CPLX1: variants seen among roughly 807,000 people sequenced by gnomAD.
The protein encoded by CPLX1 is complexin 1.
Under a neutral mutation model 15.6 loss-of-function variants are expected in CPLX1, and 6 were observed. The ratio of observed to expected loss-of-function variants is 0.39; its 90% CI spans 0.21 to 0.76. CPLX1 has a LOEUF of 0.76. Among genes scored for constraint, CPLX1 ranks in the 30% least tolerant of loss-of-function variants. The pLI is 0.43. For synonymous variants in CPLX1, 91 were observed against 75.2 expected, an observed-to-expected ratio of 1.21 and a Z score of -1.08; for missense variants, 242 against 188.6, an observed-to-expected ratio of 1.28 and a Z score of -1.66.
chr4:823,765 CTT>C (rs1485688839), intron 2 of CPLX1, among the ~76,000 whole-genome samples: 1 of 152,258 alleles, frequency 6.6e-6, no homozygotes, highest in Non-Finnish European at 1.5e-5. Context: ...AGCCACTGCT[CTT>C]GACATGGTCT....
chr4:808,987 C>T (rs1340566998), intron 2 of CPLX1, among the ~76,000 whole-genome samples: 2 of 152,234 alleles, frequency 1.3e-5, no homozygotes, highest in Admixed American at 6.5e-5. Flanking sequence ...GGAGAGATAG[C>T]GATAGAGATA....
At chr4:816,046 T>C (rs1576997101) in intron 2 of CPLX1, among the ~76,000 whole-genome samples, 1 of 152,066 alleles carries the variant, frequency 6.6e-6, no homozygotes, top group Non-Finnish European at 1.5e-5. Flanking sequence ...TGTTACAATG[T>C]TTATGTTGAG....
At position 786,582 on chromosome 4, in the gene CPLX1, C is replaced by T. The variant is rs371785028; in HGVS notation, c.324G>A (p.Glu108=). The T allele has an allele frequency of 3.1e-6, 5 of 1,610,824 alleles. No individual in the cohort carries two copies. The African/African-American group carries it at 4.0e-5, about 13-fold the overall frequency. Residue 108 remains glutamate (E), a synonymous_variant, in exon 4 of 4, where the codon GAG becomes GAA. Transcript: ENST00000304062. ...KKAIPPGCGD[E]VEEEDESILD... ...GGATGCTCTCGTCCTCCTCCTCCAC[C>T]TCGTCCCCGCAGCCCGGCGGGATGG...
At position 825,477 on chromosome 4, in the gene CPLX1, C is replaced by T. The variant is rs867580998; in HGVS notation, c.-80+569G>A. Among the ~76,000 whole-genome samples the T allele has an allele frequency of 2.6e-4, 40 of 151,970 alleles. 1 individual carries two copies. The South Asian group carries it at 5.4e-3, about 20-fold the overall frequency. ...CTCCTCCAAACTTCTCCCCTGGCTC[C>T]CGCGGCGCGGGGAAGGAGGGCACGG... On this transcript the variant is annotated intron_variant, in intron 1 of 3. Coordinates refer to ENST00000304062, the MANE Select transcript of CPLX1 (RefSeq NM_006651.4).
intron 3 of CPLX1, among the ~76,000 whole-genome samples, chr4:790,930 C>T (rs1746150525): frequency 9.8e-6 from 1 of 102,152 alleles, no homozygotes; most frequent in African/African-American, 4.0e-5. Flanking sequence ...CTCTTTCCCT[C>T]TTTTTGTCTT....
chr4:789,437 T>C (rs537479933), intron 3 of CPLX1, among the ~76,000 whole-genome samples: 25 of 152,194 alleles, frequency 1.6e-4, no homozygotes, highest in African/African-American at 5.5e-4. Flanking sequence ...GAACCAACAA[T>C]AGGAATGATA....
At chr4:789,635 T>A (rs1488703207) in intron 3 of CPLX1, among the ~76,000 whole-genome samples, 4 of 152,136 alleles carry the variant, frequency 2.6e-5, no homozygotes, top group African/African-American at 7.2e-5. Context: ...GGCGGGTCAG[T>A]GCGCGGAGCA....
intron 2 of CPLX1, among the ~76,000 whole-genome samples, chr4:821,759 C>T (rs898759422): frequency 2.6e-5 from 4 of 152,340 alleles, no homozygotes; most frequent in Admixed American, 6.5e-5. Context: ...GCGATCACCC[C>T]GGCAGCCACC....
intron 2 of CPLX1, among the ~76,000 whole-genome samples, chr4:795,811 G>T (rs968101543): frequency 2.6e-4 from 39 of 152,062 alleles, no homozygotes; most frequent in Admixed American, 1.3e-3. Context: ...GGGGTGGGGG[G>T]GGGGTGCAGA....
intron 3 of CPLX1, among the ~76,000 whole-genome samples, chr4:790,719 T>C (rs886267438): frequency 6.6e-6 from 1 of 152,066 alleles, no homozygotes; most frequent in Non-Finnish European, 1.5e-5. Flanking sequence ...GACCCACACA[T>C]AGCCCTCCCA....
At chr4:804,978 T>G in intron 2 of CPLX1, 3 of 977,370 alleles carry the variant, frequency 3.1e-6, no homozygotes, top group Non-Finnish European at 3.6e-6. Context: ...GGCGGCCGGC[T>G]AGGGCGGGTG....
intron 2 of CPLX1, among the ~76,000 whole-genome samples, chr4:807,452 C>T (rs1746577259): frequency 6.6e-6 from 1 of 152,104 alleles, no homozygotes; most frequent in South Asian, 2.1e-4. Flanking sequence ...ACCTACACAT[C>T]CTGCACATGT....
chr4:787,153 G>A, intron 3 of CPLX1: 1 of 985,394 alleles, frequency 1.0e-6, no homozygotes, highest in Non-Finnish European at 1.2e-6. Flanking sequence ...ACACTCCCGG[G>A]CCTGGCCAAG....
chr4:792,670 T>C (rs1746220033), intron 2 of CPLX1, 62 bp from the exon 3 acceptor site: 1 of 1,523,018 alleles, frequency 6.6e-7, no homozygotes, highest in African/African-American at 1.4e-5. Context: ...GGCTAGTGTC[T>C]CAGCCACACT....
chr4:821,869 C>A (rs945403446), intron 2 of CPLX1, among the ~76,000 whole-genome samples: 4 of 152,212 alleles, frequency 2.6e-5, no homozygotes, highest in Non-Finnish European at 5.9e-5. Flanking sequence ...CAGCAAGACT[C>A]ACACCTGCGG....
chr4:792,734 GC>G (rs1553852772), intron 2 of CPLX1, 126 bp from the exon 3 acceptor site: 2 of 1,011,298 alleles, frequency 2.0e-6, no homozygotes, highest in African/African-American at 1.7e-5. Context: ...CCCTCTGGCT[GC>G]CCCCACCACC....
Position 787,559 on chromosome 4 carries a change from G to A in CPLX1, c.208-861C>T, listed in dbSNP as rs1013510559. ...TAAGAGACAGAAAGGACAGACACCCGGATGGGGGCGGGCATACGAAAGCGG... is the reference window on the plus strand; with the variant it reads ...TAAGAGACAGAAAGGACAGACACCCAGATGGGGGCGGGCATACGAAAGCGG... On this transcript the variant is annotated intron_variant, in intron 3 of 3. Transcript: ENST00000304062. The A allele has an allele frequency of 3.3e-5, 22 of 664,160 alleles. No individual in the cohort carries two copies. In the South Asian group the frequency reaches 4.1e-4, roughly 12 times the overall value. The allele number at this position is 664,160 out of a possible 1,614,324, so 41.1% of individuals were successfully genotyped here. A position where few individuals can be genotyped will look rare whatever the true frequency, so the allele number is the denominator to read the frequency against.
intron 2 of CPLX1, among the ~76,000 whole-genome samples, chr4:805,574 C>T (rs1382433542): frequency 1.3e-5 from 2 of 152,202 alleles, no homozygotes; most frequent in African/African-American, 4.8e-5. Context: ...ATAGAATTGC[C>T]ATATGATCTA....
At chr4:790,091 C>T (rs575746639) in intron 3 of CPLX1, among the ~76,000 whole-genome samples, 4 of 151,736 alleles carry the variant, frequency 2.6e-5, no homozygotes, top group Admixed American at 2.0e-4. Flanking sequence ...CAGGTGGCCA[C>T]GCCTGAGGGC....
Sources: allele counts gnomAD v4.1 joint callset (sites outside exome capture counted in the v4.1 genomes callset), GRCh38; gene constraint gnomAD v4.1.1; transcripts MANE v1.5; gene names NCBI Gene and HGNC (gene_info 2026-07-23, HGNC 2026-07-21).